Variants in WDR44 observed in about 807,000 individuals in gnomAD.
WDR44 encodes the protein WD repeat-containing protein 44.
Under a neutral mutation model 65.7 loss-of-function variants are expected in WDR44, and 9 were observed. The observed-to-expected ratio is 0.14, with a 90% CI of 0.08 to 0.24. WDR44 has a LOEUF of 0.24. Among genes scored for constraint, WDR44 ranks in the 10% least tolerant of loss-of-function variants. WDR44 has a pLI of 1.00. For synonymous variants in WDR44, 220 were observed against 235.2 expected (o/e 0.94, Z 0.59); for missense variants, 425 against 670.9 (o/e 0.63, Z 4.05).
chrX:118,433,584 C>A (rs7890820), intron 13 of WDR44, among the ~76,000 whole-genome samples: 14,822 of 110,947 alleles, frequency 0.13, 1,098 homozygotes, highest in African/African-American at 0.28. Context: ...GTTATTTAAC[C>A]TCACCATGCC....
intron 12 of WDR44, among the ~76,000 whole-genome samples, chrX:118,427,492 C>G (rs1336908373): frequency 9.3e-6 from 1 of 107,985 alleles, no homozygotes; most frequent in African/African-American, 3.4e-5. Flanking sequence ...GGATAGTCTC[C>G]ATCTCCTGAC....
chrX:118,352,018 A>G (rs1412425961), intron 1 of WDR44, among the ~76,000 whole-genome samples: 1 of 109,842 alleles, frequency 9.1e-6, no homozygotes, highest in Non-Finnish European at 1.9e-5. Flanking sequence ...AGGATAGTCC[A>G]TAGTGGCATG....
intron 9 of WDR44, among the ~76,000 whole-genome samples, chrX:118,405,619 C>T (rs2056958834): frequency 9.0e-6 from 1 of 111,571 alleles, no homozygotes; most frequent in African/African-American, 3.3e-5. Flanking sequence ...GGATTACAAG[C>T]GTGAGCCACC....
At chrX:118,413,210 A>G (rs377478873) in intron 12 of WDR44, among the ~76,000 whole-genome samples, 42 of 112,383 alleles carry the variant, frequency 3.7e-4, no homozygotes, top group African/African-American at 1.0e-3. Context: ...TAGATACCCA[A>G]TAGTGGGATT....
In WDR44 at chrX:118,346,421, G is replaced by A. The variant is rs768667705; in HGVS notation, c.-83G>A. ...GAGACCCACTTCCCCAGTCTCGCCC[G>A]GGTGGAGGTCGACGAGGAGGAGACA... On this transcript the variant is annotated 5_prime_UTR_variant, in exon 1 of 20. Transcript: ENST00000254029. 2.8e-3 allele frequency: 2,461 copies of A among 871,855 alleles called. 16 individuals are homozygous for A. The highest frequency in any genetic ancestry group is 2.3e-3 in the Admixed American group (101 of 44,019). 71.9% of individuals were successfully genotyped at this position (871,855 alleles called of 1,213,427 possible). A position where few individuals can be genotyped will look rare whatever the true frequency, so the allele number is the denominator to read the frequency against.
chrX:118,363,838 G>T (rs2056531793), intron 1 of WDR44, among the ~76,000 whole-genome samples: 1 of 112,013 alleles, frequency 8.9e-6, no homozygotes, highest in Non-Finnish European at 1.9e-5. Flanking sequence ...GTTTGCTAAA[G>T]ATCATATTGA....
chrX:118,422,691 C>CAAAA (rs771303784), intron 12 of WDR44, among the ~76,000 whole-genome samples: 1 of 71,783 alleles, frequency 1.4e-5, no homozygotes, highest in Admixed American at 1.6e-4. Flanking sequence ...AACTCCGTCT[C>CAAAA]AAAAAAAAAA....
At chrX:118,373,975 C>T (rs1468469416) in intron 1 of WDR44, among the ~76,000 whole-genome samples, 2 of 110,209 alleles carry the variant, frequency 1.8e-5, no homozygotes, top group Non-Finnish European at 3.8e-5. Context: ...TTCTGGGATA[C>T]AGGTGCAGAA....
At chrX:118,435,076 G>A (rs1426067786) in intron 13 of WDR44, among the ~76,000 whole-genome samples, 3 of 110,805 alleles carry the variant, frequency 2.7e-5, no homozygotes, top group South Asian at 3.7e-4. Flanking sequence ...ATTTAATTTC[G>A]TTTATTTAAT....
rs766874873 is a variant in WDR44, at chrX:118,407,966, A to C, written c.1533+940A>C. 1.2e-3 allele frequency among the ~76,000 whole-genome samples: 116 copies of C among 99,487 alleles called. 1 individual carries two copies. Among genetic ancestry groups the C allele is most frequent in the African/African-American group, 4.1e-3 (104 of 25,288 alleles). The allele number at this position is 99,487 out of a possible 115,157, so 86.4% of individuals were successfully genotyped here. On this transcript the variant is annotated intron_variant, in intron 10 of 19. Transcript: ENST00000254029. The stretch of plus-strand genomic sequence containing the variant: ...ATATATTGGATGGCAACCAAATTCA[A>C]ATTTAAATTTTGATGTTTACAGATA...
chrX:118,372,047 T>C (rs970701259), intron 1 of WDR44, among the ~76,000 whole-genome samples: 17 of 108,542 alleles, frequency 1.6e-4, no homozygotes, highest in Non-Finnish European at 2.9e-4. Flanking sequence ...AATATTTTTC[T>C]AGTTAACTAG....
intron 14 of WDR44, among the ~76,000 whole-genome samples, chrX:118,439,951 T>C (rs1210695948): frequency 9.3e-6 from 1 of 107,443 alleles, no homozygotes; most frequent in East Asian, 3.0e-4. Context: ...GAGACCCCAT[T>C]TTTATAAAAA....
chrX:118,346,408 C>T lies in WDR44; in HGVS notation c.-96C>T. ...CTCAGCCTCGCCCGAGACCCACTTCCCCAGTCTCGCCCGGGTGGAGGTCGA... is the reference window on the plus strand; with the variant it reads ...CTCAGCCTCGCCCGAGACCCACTTCTCCAGTCTCGCCCGGGTGGAGGTCGA... On this transcript the variant is annotated 5_prime_UTR_variant, in exon 1 of 20. Coordinates refer to ENST00000254029, the MANE Select transcript of WDR44 (RefSeq NM_019045.5). 1.3e-6 allele frequency: 1 copy of T among 759,890 alleles called. No individual in the cohort carries two copies. The highest frequency in any genetic ancestry group is 3.3e-5 in the East Asian group (1 of 30,160). 62.6% of individuals were successfully genotyped at this position (759,890 alleles called of 1,213,427 possible).
At chrX:118,346,648 C>T (rs1311432781) in intron 1 of WDR44, 68 bp downstream of exon 1, 41 of 867,313 alleles carry the variant, frequency 4.7e-5, no homozygotes, top group Non-Finnish European at 6.6e-5. Context: ...TGTCTTCCCC[C>T]TACACCCCTC....
chrX:118,381,475 A>G (rs1035380903), intron 2 of WDR44, among the ~76,000 whole-genome samples: 1 of 110,968 alleles, frequency 9.0e-6, no homozygotes, highest in Non-Finnish European at 1.9e-5. Context: ...TCTCAAGTTA[A>G]AAAAAAATTT....
chrX:118,424,402 T>C (rs1285999062), intron 12 of WDR44, among the ~76,000 whole-genome samples: 1 of 102,091 alleles, frequency 9.8e-6, no homozygotes, highest in East Asian at 3.0e-4. Context: ...ATCATTGTGG[T>C]TTTGATTTGG....
rs973497374 is a variant in WDR44 at position 118,412,013 on chromosome X, A to G, written c.1737+1054A>G. On this transcript the variant is annotated intron_variant, in intron 12 of 19. Transcript: ENST00000254029. ...GTGAACTAGTGAAATGGGTAAACTC[A>G]CAATTACAGTATTAGATGGTGATAT... 6.2e-5 allele frequency among the ~76,000 whole-genome samples: 7 copies of G among 112,282 alleles called. No homozygotes were observed. In the South Asian group the frequency reaches 1.1e-3, roughly 18 times the overall value.
rs371199089 is a variant in WDR44 at position 118,346,592 on chromosome X, C to T, written c.77+12C>T. 1.3e-5 allele frequency: 15 copies of T among 1,152,818 alleles called. No individual in the cohort carries two copies. In the African/African-American group the frequency reaches 2.7e-4, roughly 21 times the overall value. On this transcript the variant is annotated intron_variant, in intron 1 of 19. Coordinates refer to ENST00000254029, the MANE Select transcript of WDR44 (RefSeq NM_019045.5). The stretch of plus-strand genomic sequence containing the variant: ...GGCTACCCCGTGGGGTAAGTGACTG[C>T]AGCTATGACAGGAAGCCGGGCATCC...
At chrX:118,442,491 A>G (rs2057311822) in intron 16 of WDR44, 74 bp from the exon 17 acceptor site, 1 of 1,016,565 alleles carries the variant, frequency 9.8e-7, no homozygotes. Flanking sequence ...TATGTGTGTA[A>G]CACCCTTTTT....
Sources: gnomAD v4.1 joint callset for allele counts (sites outside exome capture counted in the v4.1 genomes callset) on GRCh38, gnomAD v4.1.1 for gene constraint, MANE v1.5 for transcripts, NCBI Gene and HGNC (gene_info 2026-07-23, HGNC 2026-07-21) for gene names.